Variants in ACCSL observed in about 807,000 individuals in gnomAD.
ACCSL encodes probable inactive 1-aminocyclopropane-1-carboxylate synthase-like protein 2.
A neutral mutation model predicts 61.7 loss-of-function variants in ACCSL; 55 were observed. That is an observed-to-expected ratio of 0.89 (90% CI 0.72 to 1.12). ACCSL has a LOEUF of 1.12. Among genes scored for constraint, ACCSL ranks in the 50% most tolerant of loss-of-function variants. ACCSL has a pLI of 0.00. For missense variants in ACCSL, 632 were observed against 698.0 expected, an observed-to-expected ratio of 0.91 and a Z score of 1.07; for synonymous variants, 258 against 264.3, an observed-to-expected ratio of 0.98 and a Z score of 0.23.
the ACCSL span, among the ~76,000 whole-genome samples, chr11:44,027,425 G>A: frequency 2.0e-5 from 3 of 152,184 alleles, no homozygotes; most frequent in African/African-American, 7.2e-5. Context: ...TGGAGCCTCA[G>A]CTTTCTTATA....
At chr11:43,995,845 G>A in the ACCSL span, among the ~76,000 whole-genome samples, 1 of 152,226 alleles carries the variant, frequency 6.6e-6, no homozygotes, top group East Asian at 1.9e-4. Flanking sequence ...TGTATTATGA[G>A]TTGAACCAGA....
chr11:43,927,992 A>G, the ACCSL span, among the ~76,000 whole-genome samples: 2 of 152,340 alleles, frequency 1.3e-5, no homozygotes, highest in East Asian at 1.9e-4. Flanking sequence ...AAAGTGGAAC[A>G]AGGGGTCCTG....
the ACCSL span, among the ~76,000 whole-genome samples, chr11:44,041,316 C>T: frequency 6.6e-6 from 1 of 152,216 alleles, no homozygotes; most frequent in Admixed American, 6.5e-5. Context: ...AATGAAACTA[C>T]TTGAATGGGT....
chr11:44,051,199 G>A, intron 3 of ACCSL, 136 bp from the exon 4 acceptor site: 1 of 851,614 alleles, frequency 1.2e-6, no homozygotes, highest in Non-Finnish European at 2.0e-6. Context: ...GGGAGTTGAT[G>A]GTCTTAGTCA....
the ACCSL span, among the ~76,000 whole-genome samples, chr11:43,934,130 C>T: frequency 6.6e-6 from 1 of 152,044 alleles, no homozygotes; most frequent in East Asian, 1.9e-4. Flanking sequence ...CTCTCCCTCT[C>T]CTCTCTCTCC....
At chr11:43,963,311 A>T in the ACCSL span, among the ~76,000 whole-genome samples, 11 of 152,252 alleles carry the variant, frequency 7.2e-5, no homozygotes, top group Admixed American at 2.0e-4. Context: ...GAAGCTAGAC[A>T]ATTGACAGCC....
intron 6 of ACCSL, 94 bp from the exon 7 acceptor site, chr11:44,052,897 C>G: frequency 2.0e-6 from 3 of 1,470,096 alleles, no homozygotes; most frequent in Non-Finnish European, 2.9e-6. Flanking sequence ...GACTGGCACT[C>G]TGGTATGAAG....
At chr11:44,031,034 G>A in the ACCSL span, among the ~76,000 whole-genome samples, 302 of 152,288 alleles carry the variant, frequency 2.0e-3, 1 homozygote, top group African/African-American at 6.9e-3. Context: ...GCACCTGACT[G>A]TTGTTTCCCT....
At chr11:43,991,997 T>C in the ACCSL span, among the ~76,000 whole-genome samples, 1 of 151,284 alleles carries the variant, frequency 6.6e-6, no homozygotes, top group African/African-American at 2.4e-5. Flanking sequence ...ATCCCCTCCC[T>C]CCCCATCTTT....
chr11:43,963,963 T>C, the ACCSL span, among the ~76,000 whole-genome samples: 1 of 152,240 alleles, frequency 6.6e-6, no homozygotes. Context: ...ATTTGCCTGG[T>C]ATGCCATTGC....
chr11:44,053,593 T>A, intron 8 of ACCSL, 87 bp downstream of exon 8: 1 of 1,259,128 alleles, frequency 7.9e-7, no homozygotes, highest in Non-Finnish European at 1.1e-6. Flanking sequence ...CCAGATCTGG[T>A]GGCACATGCC....
the ACCSL span, chr11:43,943,469 G>T: frequency 5.7e-6 from 8 of 1,409,532 alleles, no homozygotes; most frequent in African/African-American, 7.3e-5. This position sits in a 1 kb window ranked among gnomAD's most constrained non-coding sequence, Gnocchi z 4.8. Context: ...GCCCGGGAGC[G>T]CCGGGAGCGG....
In ACCSL at chr11:44,058,573, G is replaced by A; in HGVS notation, c.1498G>A (p.Glu500Lys). ...KYLDPCTFEE[E>K]RLLYCRFLDN... ...CCTGGATCCCTGTACATTTGAAGAA[G>A]AACGGCTCCTCTATTGCCGCTTCCT... The change falls in exon 13 of 14, where the codon GAA (glutamate) becomes AAA (lysine). Residue 500 changes from glutamate (E) to lysine (K), a missense_variant. By Grantham distance (56) the Glu-to-Lys change is moderately conservative. Transcript: ENST00000378832. The A allele has an allele frequency of 6.2e-7, 1 of 1,614,094 alleles. No homozygotes were observed. Among genetic ancestry groups the A allele is most frequent in the Non-Finnish European group, 8.5e-7 (1 of 1,179,998 alleles).
chr11:43,933,132 A>G, the ACCSL span: 1 of 456,140 alleles, frequency 2.2e-6, no homozygotes. Context: ...TTATACTTTA[A>G]CCTTGGAGCA....
chr11:43,972,714 G>A, the ACCSL span, among the ~76,000 whole-genome samples: 3 of 152,206 alleles, frequency 2.0e-5, no homozygotes, highest in Non-Finnish European at 2.9e-5. Context: ...TCTGCGTTAT[G>A]TTTACCAATA....
the ACCSL span, among the ~76,000 whole-genome samples, chr11:43,939,082 T>C: frequency 6.6e-6 from 1 of 152,346 alleles, no homozygotes; most frequent in East Asian, 1.9e-4. Context: ...AACTGGCCAA[T>C]CTCTTTCTTG....
the ACCSL span, among the ~76,000 whole-genome samples, chr11:44,037,379 A>G: frequency 6.6e-6 from 1 of 152,218 alleles, no homozygotes; most frequent in Non-Finnish European, 1.5e-5. Context: ...GCAGTGGGTC[A>G]GAAAAGAGAT....
the ACCSL span, among the ~76,000 whole-genome samples, chr11:44,041,960 C>T: frequency 1.3e-5 from 2 of 152,118 alleles, no homozygotes; most frequent in African/African-American, 2.4e-5. Context: ...TTTTTTGAAA[C>T]TCCCTAGGAT....
the ACCSL span, among the ~76,000 whole-genome samples, chr11:43,970,411 T>C: frequency 6.6e-6 from 1 of 152,200 alleles, no homozygotes; most frequent in African/African-American, 2.4e-5. Flanking sequence ...ACCATGGTGC[T>C]CAGGTTGGTC....
Sources: allele counts gnomAD v4.1 joint callset (sites outside exome capture counted in the v4.1 genomes callset), GRCh38; gene constraint gnomAD v4.1.1; non-coding constraint Gnocchi (gnomAD v3.1); transcripts MANE v1.5; gene names NCBI Gene and HGNC (gene_info 2026-07-23, HGNC 2026-07-21).